The following PCSK5 variants were observed in gnomAD, a reference collection of about 807,000 sequenced individuals.
PCSK5 encodes proprotein convertase subtilisin/kexin type 5.
Under a neutral mutation model 233.2 loss-of-function variants are expected in PCSK5, and 129 were observed. That is an observed-to-expected ratio of 0.55 (90% CI 0.48 to 0.64). The LOEUF (loss-of-function observed/expected upper bound fraction) is 0.64. Ranked by LOEUF, PCSK5 falls within the 30% of genes least tolerant of loss-of-function variation. PCSK5 has a pLI of 0.00. For synonymous variants in PCSK5, 825 were observed against 879.2 expected (o/e 0.94, Z 1.09); for missense variants, 2,076 against 2,430.1 (o/e 0.85, Z 3.06).
At chr9:75,899,302 T>C (rs911311235) in intron 1 of PCSK5, among the ~76,000 whole-genome samples, 8 of 152,220 alleles carry the variant, frequency 5.3e-5, no homozygotes, top group Non-Finnish European at 1.0e-4. Flanking sequence ...GATATACATA[T>C]ACATAGTGAA....
intron 9 of PCSK5, among the ~76,000 whole-genome samples, chr9:76,131,080 G>A (rs1012382540): frequency 6.6e-6 from 1 of 152,122 alleles, no homozygotes; most frequent in South Asian, 2.1e-4. Flanking sequence ...GTTGTGGACT[G>A]TGGAGTTCCC....
intron 9 of PCSK5, among the ~76,000 whole-genome samples, chr9:76,110,637 A>T (rs1445318594): frequency 6.6e-6 from 1 of 152,048 alleles, no homozygotes; most frequent in African/African-American, 2.4e-5. Flanking sequence ...TCAAGGCTGC[A>T]GTGAGCTATG....
intron 1 of PCSK5, among the ~76,000 whole-genome samples, chr9:75,907,650 A>G (rs113752992): frequency 6.6e-6 from 1 of 152,080 alleles, no homozygotes; most frequent in Non-Finnish European, 1.5e-5. Context: ...TAGGACTATT[A>G]TTGCTTCTCT....
Position 76,317,613 on chromosome 9 carries a change from G to A in PCSK5, c.3885-3809G>A, listed in dbSNP as rs188684205. On this transcript the variant is annotated intron_variant, in intron 30 of 37. Coordinates refer to ENST00000674117, the MANE Select transcript of PCSK5 (RefSeq NM_001372043.1). ...TTGTTGCAGTTCTTCGCCACTCCTC[G>A]TATTCATGCCCACTGCCTGCAACTT... Among the ~76,000 whole-genome samples the A allele has an allele frequency of 5.3e-5, 8 of 152,292 alleles. No individual in the cohort carries two copies. In the East Asian group the frequency reaches 1.5e-3, roughly 29 times the overall value.
At chr9:76,343,743 C>T (rs1047994359) in intron 35 of PCSK5, among the ~76,000 whole-genome samples, 3 of 152,088 alleles carry the variant, frequency 2.0e-5, no homozygotes, top group African/African-American at 7.2e-5. Flanking sequence ...GAAAACCTCC[C>T]CAGACCCTTC....
At chr9:76,010,417 G>T (rs1448623782) in intron 3 of PCSK5, among the ~76,000 whole-genome samples, 4 of 152,134 alleles carry the variant, frequency 2.6e-5, no homozygotes, top group Non-Finnish European at 4.4e-5. Context: ...AGGAAGTTCT[G>T]TTTTTTGTTT....
chr9:75,907,870 G>T (rs1271209776), intron 1 of PCSK5, among the ~76,000 whole-genome samples: 2 of 152,214 alleles, frequency 1.3e-5, no homozygotes. Flanking sequence ...GTCAGGTTTG[G>T]TGCGCGTGAA....
At chr9:75,902,735 A>G (rs1021913012) in intron 1 of PCSK5, among the ~76,000 whole-genome samples, 2 of 152,336 alleles carry the variant, frequency 1.3e-5, no homozygotes, top group Admixed American at 1.3e-4. Context: ...GCAGATAAAC[A>G]TGAAGCTTAC....
chr9:76,108,357 G>A (rs1051884788), intron 9 of PCSK5, among the ~76,000 whole-genome samples: 1 of 152,188 alleles, frequency 6.6e-6, no homozygotes, highest in Non-Finnish European at 1.5e-5. Context: ...CTCTGCCCTA[G>A]GGAGGAAGGG....
intron 3 of PCSK5, among the ~76,000 whole-genome samples, chr9:76,010,213 T>G (rs1391208172): frequency 6.6e-6 from 1 of 152,210 alleles, no homozygotes; most frequent in Non-Finnish European, 1.5e-5. Flanking sequence ...GAAAATAGTC[T>G]GGTTCCGTAA....
At chr9:76,046,293 C>G (rs1829389488) in intron 5 of PCSK5, among the ~76,000 whole-genome samples, 1 of 146,658 alleles carries the variant, frequency 6.8e-6, no homozygotes, top group Non-Finnish European at 1.5e-5. Context: ...TTCTCCTGCC[C>G]CAGCCTCCCA....
At position 76,093,058 on chromosome 9, in the gene PCSK5, A is replaced by C. The variant is rs1391745811; in HGVS notation, c.895-2832A>C. Among the ~76,000 whole-genome samples the C allele has an allele frequency of 4.0e-5, 6 of 148,578 alleles. No individual in the cohort carries two copies. The East Asian group carries it at 1.2e-3, about 29-fold the overall frequency. On this transcript the variant is annotated intron_variant, in intron 7 of 37. Coordinates refer to ENST00000674117, the MANE Select transcript of PCSK5 (RefSeq NM_001372043.1). ...AATGTATGCATATAGACTTCTTTAC[A>C]CACGCCCTTTTTTGTCTTTCCCTTT... is the stretch of plus-strand genomic sequence containing the variant.
At chr9:76,102,135 AGTT>A (rs1246592289) in intron 8 of PCSK5, among the ~76,000 whole-genome samples, 3 of 152,300 alleles carry the variant, frequency 2.0e-5, no homozygotes, top group East Asian at 3.9e-4. Context: ...TCACGAGGCT[AGTT>A]GTTGTTACCT....
intron 20 of PCSK5, among the ~76,000 whole-genome samples, chr9:76,214,345 C>T (rs1363511865): frequency 6.6e-6 from 1 of 151,918 alleles, no homozygotes; most frequent in East Asian, 1.9e-4. Context: ...TGCACGCAGC[C>T]CACCAGTGAT....
At chr9:75,922,096 G>T (rs1823283681) in intron 1 of PCSK5, among the ~76,000 whole-genome samples, 1 of 152,140 alleles carries the variant, frequency 6.6e-6, no homozygotes, top group Non-Finnish European at 1.5e-5. Context: ...TCATTGCTCG[G>T]CACATAGTAC....
intron 7 of PCSK5, among the ~76,000 whole-genome samples, chr9:76,094,671 C>T (rs979989658): frequency 6.6e-5 from 10 of 151,924 alleles, no homozygotes; most frequent in African/African-American, 1.5e-4. Flanking sequence ...GGCATGACCT[C>T]GGCTCATTGC....
In PCSK5 at chr9:76,044,334, A is replaced by G. The variant is rs147337559; in HGVS notation, c.632+17297A>G. 3.9e-4 allele frequency among the ~76,000 whole-genome samples: 60 copies of G among 152,314 alleles called. 1 individual carries two copies. The highest frequency in any genetic ancestry group is 2.3e-3 in the Admixed American group (35 of 15,296). On this transcript the variant is annotated intron_variant, in intron 5 of 37. Coordinates refer to ENST00000674117, the MANE Select transcript of PCSK5 (RefSeq NM_001372043.1). ...ATTTATGTTTTACTAATATGAGGAGATTAGAATTAATGAGATGGGAAGTAA... is the reference window on the plus strand; with the variant it reads ...ATTTATGTTTTACTAATATGAGGAGGTTAGAATTAATGAGATGGGAAGTAA...
At chr9:76,244,178 T>C (rs1438214560) in intron 24 of PCSK5, among the ~76,000 whole-genome samples, 4 of 152,274 alleles carry the variant, frequency 2.6e-5, no homozygotes, top group African/African-American at 7.2e-5. Flanking sequence ...GTGAGCCGTA[T>C]TCATGCCACT....
intron 7 of PCSK5, among the ~76,000 whole-genome samples, chr9:76,086,190 A>T (rs1049348062): frequency 2.0e-5 from 3 of 151,966 alleles, no homozygotes; most frequent in African/African-American, 7.3e-5. Flanking sequence ...CAGGTGTGAG[A>T]ATAGCTTTTC....
Sources: gnomAD v4.1 joint callset for allele counts (sites outside exome capture counted in the v4.1 genomes callset) on GRCh38, gnomAD v4.1.1 for gene constraint, MANE v1.5 for transcripts, NCBI Gene and HGNC (gene_info 2026-07-23, HGNC 2026-07-21) for gene names.